The following SPAG9 variants were observed in gnomAD, a reference collection of about 807,000 sequenced individuals.
SPAG9 encodes the protein C-Jun-amino-terminal kinase-interacting protein 4.
A neutral mutation model predicts 166.5 loss-of-function variants in SPAG9; 35 were observed. The ratio of observed to expected loss-of-function variants is 0.21; its 90% CI spans 0.16 to 0.28. The LOEUF is 0.28. Ranked by LOEUF, SPAG9 falls within the 10% of genes least tolerant of loss-of-function variation. The pLI is 1.00. For missense variants in SPAG9, 1,235 were observed against 1,603.3 expected, an observed-to-expected ratio of 0.77 and a Z score of 3.92; for synonymous variants, 534 against 565.5, an observed-to-expected ratio of 0.94 and a Z score of 0.79.
chr17:51,012,722 CTTTATTTATTTATTTA>C (rs142325730), intron 9 of SPAG9, among the ~76,000 whole-genome samples: 3 of 145,734 alleles, frequency 2.1e-5, no homozygotes, highest in African/African-American at 2.6e-5. Flanking sequence ...TTACTAGATA[CTTTATTTATTTATTTA>C]TTTATTTATT....
At chr17:50,989,112 C>T (rs908453410) in intron 21 of SPAG9, among the ~76,000 whole-genome samples, 4 of 152,124 alleles carry the variant, frequency 2.6e-5, no homozygotes, top group Non-Finnish European at 4.4e-5. Flanking sequence ...TATAGTCACA[C>T]ACCTGGTAAA....
At chr17:51,072,457 C>T (rs891842915) in intron 2 of SPAG9, among the ~76,000 whole-genome samples, 1 of 147,146 alleles carries the variant, frequency 6.8e-6, no homozygotes, top group Admixed American at 7.0e-5. Context: ...CCAAGGTGAG[C>T]GTATCACCTG....
chr17:51,026,709 CTT>C (rs576544751), intron 6 of SPAG9, among the ~76,000 whole-genome samples: 269 of 132,318 alleles, frequency 2.0e-3, no homozygotes, highest in African/African-American at 6.8e-3. Flanking sequence ...AAGTTTCGCT[CTT>C]GTTGCCCCAG....
intron 2 of SPAG9, among the ~76,000 whole-genome samples, chr17:51,071,645 C>T (rs2047823031): frequency 6.6e-6 from 1 of 152,182 alleles, no homozygotes; most frequent in Non-Finnish European, 1.5e-5. Flanking sequence ...AATCATGCAA[C>T]ATGATAGATT....
At chr17:51,007,702 T>A in intron 9 of SPAG9, 1 of 349,426 alleles carries the variant, frequency 2.9e-6, no homozygotes, top group South Asian at 2.4e-5. Context: ...AAGAACAGCT[T>A]TAATATGGAT....
At chr17:50,980,450 C>T (rs1567958197) in intron 25 of SPAG9, among the ~76,000 whole-genome samples, 1 of 151,994 alleles carries the variant, frequency 6.6e-6, no homozygotes, top group Non-Finnish European at 1.5e-5. Flanking sequence ...AGTGATCTGC[C>T]CACCTCGGCC....
At chr17:51,112,974 A>G (rs1295382047) in intron 1 of SPAG9, among the ~76,000 whole-genome samples, 6 of 150,878 alleles carry the variant, frequency 4.0e-5, no homozygotes, top group South Asian at 4.2e-4. Context: ...AAAAAAAGAA[A>G]AAAAAAAAAA....
chr17:51,022,036 T>C (rs1485461188), intron 6 of SPAG9, among the ~76,000 whole-genome samples: 2 of 151,054 alleles, frequency 1.3e-5, no homozygotes, highest in African/African-American at 2.4e-5. Flanking sequence ...GGCAGGAGAA[T>C]TGCTTGAACC....
intron 8 of SPAG9, among the ~76,000 whole-genome samples, chr17:51,016,959 A>G (rs1335305506): frequency 8.5e-5 from 13 of 152,262 alleles, no homozygotes; most frequent in Non-Finnish European, 8.8e-5. Flanking sequence ...TTCTGTGGCT[A>G]AGTAGAATTA....
intron 16 of SPAG9, 182 bp downstream of exon 16, chr17:50,996,383 T>C (rs568643600): frequency 4.7e-6 from 3 of 635,366 alleles, no homozygotes; most frequent in Admixed American, 3.1e-5. Context: ...AGCATTTCAT[T>C]TGAGTTCTAC....
intron 20 of SPAG9, 190 bp downstream of exon 20, chr17:50,990,260 C>T (rs1348077853): frequency 1.7e-6 from 1 of 577,148 alleles, no homozygotes; most frequent in African/African-American, 1.9e-5. Flanking sequence ...GATCTCCTGA[C>T]CTCGTGATCC....
chr17:51,021,298 T>C lies in SPAG9; in HGVS notation c.851A>G (p.Asp284Gly), dbSNP rs563847916. Residue 284 changes from aspartate to glycine, a missense_variant, in exon 7 of 30, where the codon GAT becomes GGT. Asp to Gly is a moderately conservative substitution (Grantham distance 94, BLOSUM62 -1). Around this residue, in one of 6 missense-constraint regions of SPAG9, gnomAD observed 288 missense variants for 323.7 expected, o/e 0.89. Transcript: ENST00000262013. ...AGTATCAGTAGGAATTGTTGCCACA[T>C]CTGAATTAGCTGTTGATGCTGGAGT... is the stretch of plus-strand genomic sequence containing the variant. ...ATTPASTANS[D>G]VATIPTDTPL... The C allele has an allele frequency of 6.2e-7, 1 of 1,614,098 alleles. No homozygotes were observed. The highest frequency in any genetic ancestry group is 1.3e-5 in the African/African-American group (1 of 75,024).
At chr17:51,066,958 T>C (rs901171621) in intron 2 of SPAG9, among the ~76,000 whole-genome samples, 1 of 152,198 alleles carries the variant, frequency 6.6e-6, no homozygotes, top group Admixed American at 6.5e-5. Context: ...TGGTGGTATA[T>C]TCTCTCCTGC....
intron 9 of SPAG9, among the ~76,000 whole-genome samples, chr17:51,008,487 T>G (rs759684507): frequency 6.6e-6 from 1 of 151,894 alleles, no homozygotes; most frequent in Non-Finnish European, 1.5e-5. Context: ...ATAACCCAAG[T>G]AAACAGGAAA....
At chr17:51,061,719 T>C (rs1004587238) in intron 2 of SPAG9, among the ~76,000 whole-genome samples, 32 of 149,392 alleles carry the variant, frequency 2.1e-4, no homozygotes, top group Admixed American at 1.1e-3. Flanking sequence ...AATATGACCA[T>C]TGTTCACATA....
chr17:51,075,025 C>T (rs1270463152), intron 2 of SPAG9, among the ~76,000 whole-genome samples: 1 of 151,426 alleles, frequency 6.6e-6, no homozygotes, highest in East Asian at 1.9e-4. Context: ...AGTGAAACCC[C>T]ATCTCTACAA....
intron 6 of SPAG9, among the ~76,000 whole-genome samples, chr17:51,022,952 TAATA>T (rs1409221949): frequency 6.8e-6 from 1 of 148,022 alleles, no homozygotes; most frequent in Non-Finnish European, 1.5e-5. Context: ...AAAATAATAA[TAATA>T]ATAATAATAA....
chr17:51,113,983 A>G (rs896903025), intron 1 of SPAG9, among the ~76,000 whole-genome samples: 1 of 151,852 alleles, frequency 6.6e-6, no homozygotes, highest in Non-Finnish European at 1.5e-5. Context: ...CAACAGAGTG[A>G]GATCTCGTCT....
chr17:51,047,390 G>C lies in SPAG9; in HGVS notation c.575C>G (p.Ala192Gly), dbSNP rs768165474. The change falls in exon 4 of 30, where the codon GCT becomes GGT. Residue 192 changes from alanine to glycine, a missense_variant. Around this residue, in one of 6 missense-constraint regions of SPAG9, gnomAD observed 288 missense variants for 323.7 expected, o/e 0.89. Coordinates refer to ENST00000262013, the MANE Select transcript of SPAG9 (RefSeq NM_001130528.3). The stretch of plus-strand genomic sequence containing the variant: ...CAAAGCTTACCTAATTCTACTATGA[G>C]CTGTGGATTCTAGTTGATCACTCCC... ...LSGSDQLEST[A>G]HSRIRKERPI... 4 of 1,573,592 alleles carry C rather than the reference G, an allele frequency of 2.5e-6. No homozygotes were observed. The East Asian group carries it at 9.1e-5, about 36-fold the overall frequency.
Sources: allele counts gnomAD v4.1 joint callset (sites outside exome capture counted in the v4.1 genomes callset), GRCh38; gene constraint gnomAD v4.1.1; regional missense constraint gnomAD v4.1.1; transcripts MANE v1.5; gene names NCBI Gene and HGNC (gene_info 2026-07-23, HGNC 2026-07-21).